Variants in FGF13 observed in about 807,000 individuals in gnomAD.
FGF13 encodes the protein fibroblast growth factor homologous factor 2.
A neutral mutation model predicts 19.5 loss-of-function variants in FGF13; 2 were observed. That is an observed-to-expected ratio of 0.10 (90% CI 0.04 to 0.32). FGF13 has a LOEUF of 0.32. Ranked by LOEUF, FGF13 falls within the 10% of genes least tolerant of loss-of-function variation. The pLI, the probability that FGF13 is intolerant of heterozygous loss-of-function variation, is 1.00. For missense variants in FGF13, 113 were observed against 192.7 expected (o/e 0.59, Z 2.45); for synonymous variants, 72 against 76.9 (o/e 0.94, Z 0.33).
intron 3 of FGF13, among the ~76,000 whole-genome samples, chrX:138,766,771 T>C (rs2090505433): frequency 8.9e-6 from 1 of 112,051 alleles, no homozygotes; most frequent in Non-Finnish European, 1.9e-5. Context: ...GTTAGAATCT[T>C]CTCACCACTC....
At chrX:138,763,206 G>T (rs1344282409) in intron 3 of FGF13, among the ~76,000 whole-genome samples, 1 of 109,257 alleles carries the variant, frequency 9.2e-6, no homozygotes, top group Non-Finnish European at 1.9e-5. Flanking sequence ...TTAAGCAAAG[G>T]GATCCATTGT....
chrX:138,711,502 G>A lies in FGF13; in HGVS notation c.-499C>T, dbSNP rs2090050105. The A allele has an allele frequency of 1.3e-6, 1 of 754,435 alleles. No homozygotes were observed. Among genetic ancestry groups the A allele is most frequent in the Admixed American group, 8.4e-5 (1 of 11,835 alleles). The allele number at this position is 754,435 out of a possible 1,213,427, so 62.2% of individuals were successfully genotyped here. A position where few individuals can be genotyped will look rare whatever the true frequency, so the allele number is the denominator to read the frequency against. On this transcript the variant is annotated 5_prime_UTR_variant, in exon 1 of 5. Transcript: ENST00000315930. The stretch of plus-strand genomic sequence containing the variant: ...GGACGGAGGAGGGACGAGGCAGCGC[G>A]CGGGGGAGCGCGCCCTCGCCCTGGC...
In FGF13 at chrX:138,928,847, C is replaced by T. The variant is rs760647926; in HGVS notation, c.-112-64197G>A. On this transcript the variant is annotated intron_variant, in intron 1 of 2. Coordinates refer to the FGF13 transcript ENST00000421460. ...TAAAATGACGTCCTAAAATATAGAC[C>T]CACCATATCTTTCCAGTTTTCATTC... Among the ~76,000 whole-genome samples, 6 of 111,336 alleles carry T rather than the reference C, an allele frequency of 5.4e-5. No individual in the cohort carries two copies. The South Asian group carries it at 2.3e-3, about 42-fold the overall frequency.
intron 1 of FGF13, among the ~76,000 whole-genome samples, chrX:138,934,945 A>C (rs765024249): frequency 9.0e-6 from 1 of 111,238 alleles, no homozygotes; most frequent in African/African-American, 3.3e-5. Flanking sequence ...ATTACTAAAC[A>C]TAATCTAGTG....
At chrX:138,854,354 G>C (rs183257055), downstream of FGF13, among the ~76,000 whole-genome samples, 1 of 111,659 alleles carries the variant, frequency 9.0e-6, no homozygotes. Context: ...TTTGGCCTTC[G>C]TGTATCCTGA....
intron 3 of FGF13, among the ~76,000 whole-genome samples, chrX:138,699,396 T>A (rs755911402): frequency 9.0e-6 from 1 of 111,682 alleles, no homozygotes; most frequent in East Asian, 2.8e-4. Flanking sequence ...TATGTTCAAG[T>A]GACATCCTTA....
At chrX:138,955,002 T>C (rs2124294423) in intron 1 of FGF13, among the ~76,000 whole-genome samples, 1 of 112,505 alleles carries the variant, frequency 8.9e-6, no homozygotes, top group African/African-American at 3.2e-5. Context: ...CCTGCATCAG[T>C]GGTTCCCACA....
intron 1 of FGF13, among the ~76,000 whole-genome samples, chrX:138,899,947 TGTAA>T (rs754823368): frequency 1.8e-4 from 20 of 111,219 alleles, no homozygotes; most frequent in Non-Finnish European, 3.2e-4. Flanking sequence ...TATATGAATA[TGTAA>T]GTGTCTATGC....
intron 1 of FGF13, among the ~76,000 whole-genome samples, chrX:139,168,498 G>A (rs4829962): frequency 0.025 from 2,738 of 111,656 alleles, 27 homozygotes; most frequent in South Asian, 0.061. Context: ...AAAGAGGGCT[G>A]TTGAAGAAAA....
intron 3 of FGF13, among the ~76,000 whole-genome samples, chrX:138,820,878 A>G (rs927689075): frequency 9.0e-6 from 1 of 111,184 alleles, no homozygotes; most frequent in Non-Finnish European, 1.9e-5. Flanking sequence ...AGTCCAGTGC[A>G]TTTAAAGTAC....
upstream of FGF13, chrX:139,204,187 G>C (rs969660606): frequency 1.0e-6 from 1 of 966,591 alleles, no homozygotes; most frequent in Non-Finnish European, 1.5e-6. Context: ...GAGTGCTTAG[G>C]GCGGCAAGTC....
At chrX:138,803,193 A>G (rs1331848381) in intron 3 of FGF13, among the ~76,000 whole-genome samples, 1 of 111,859 alleles carries the variant, frequency 8.9e-6, no homozygotes, top group Non-Finnish European at 1.9e-5. Flanking sequence ...CACCATTTCT[A>G]GTCTACCAAT....
At chrX:138,726,395 C>T (rs1465626160) in intron 1 of FGF13, among the ~76,000 whole-genome samples, 4 of 111,789 alleles carry the variant, frequency 3.6e-5, no homozygotes, top group Non-Finnish European at 7.5e-5. Flanking sequence ...CCTCTCTGAT[C>T]TTCAATTTTT....
At chrX:138,766,776 C>T in intron 3 of FGF13, among the ~76,000 whole-genome samples, 1 of 111,982 alleles carries the variant, frequency 8.9e-6, no homozygotes, top group East Asian at 2.8e-4. Context: ...AATCTTCTCA[C>T]CACTCCTCAT....
intron 3 of FGF13, among the ~76,000 whole-genome samples, chrX:138,765,963 GCCCATCTTACCTAGTTGACA>G (rs1179821050): frequency 9.0e-6 from 1 of 110,632 alleles, no homozygotes; most frequent in Non-Finnish European, 1.9e-5. Context: ...CTGCTCTCTC[GCCCATCTTACCTAGTTGACA>G]CCCATTCATC....
At chrX:138,700,796 C>T (rs1393047117) in intron 3 of FGF13, among the ~76,000 whole-genome samples, 2 of 111,510 alleles carry the variant, frequency 1.8e-5, no homozygotes, top group African/African-American at 6.5e-5. Context: ...CTTCTTTTTT[C>T]TTAATAGGAA....
chrX:139,189,768 T>C (rs1007169551), intron 1 of FGF13, among the ~76,000 whole-genome samples: 1 of 112,014 alleles, frequency 8.9e-6, no homozygotes, highest in Non-Finnish European at 1.9e-5. Flanking sequence ...AGTCTTCAGA[T>C]TATATACTTC....
downstream of FGF13, among the ~76,000 whole-genome samples, chrX:138,852,953 A>G (rs1353833228): frequency 9.3e-6 from 1 of 108,094 alleles, no homozygotes; most frequent in Non-Finnish European, 1.9e-5. Context: ...AACACATTAG[A>G]AAAAAAAAAG....
intron 3 of FGF13, among the ~76,000 whole-genome samples, chrX:138,772,477 T>G (rs1175049043): frequency 9.0e-6 from 1 of 110,925 alleles, no homozygotes; most frequent in East Asian, 2.9e-4. Context: ...AGCAAATGTT[T>G]TACCCAGATA....
Sources: allele counts gnomAD v4.1 joint callset (sites outside exome capture counted in the v4.1 genomes callset), GRCh38; gene constraint gnomAD v4.1.1; transcripts MANE v1.5; gene names NCBI Gene and HGNC (gene_info 2026-07-23, HGNC 2026-07-21).